The following GPC6 variants were observed in gnomAD, a reference collection of about 807,000 sequenced individuals.
GPC6 encodes the protein glypican 6, also known as glypican-6.
In GPC6, 14 loss-of-function variants were observed where a neutral mutation model predicts 55.2. The observed-to-expected ratio is 0.25, with a 90% CI of 0.17 to 0.40. The LOEUF is 0.40. GPC6 is among the 10% of genes least tolerant of loss of function. The pLI is 1.00. For synonymous variants in GPC6, 278 were observed against 259.6 expected (o/e 1.07, Z -0.68); for missense variants, 641 against 708.5 (o/e 0.90, Z 1.08).
intron 1 of GPC6, among the ~76,000 whole-genome samples, chr13:93,399,263 C>A (rs2762110): frequency 0.52 from 78,542 of 152,108 alleles, 22,415 homozygotes; most frequent in Non-Finnish European, 0.66. Context: ...ATCTTCTCTT[C>A]ATACACCTAT....
At chr13:93,439,058 A>T (rs996572713) in intron 1 of GPC6, among the ~76,000 whole-genome samples, 1 of 152,204 alleles carries the variant, frequency 6.6e-6, no homozygotes, top group African/African-American at 2.4e-5. Context: ...AAAATATTTT[A>T]AATTAAGGTA....
intron 3 of GPC6, among the ~76,000 whole-genome samples, chr13:93,849,671 C>T (rs911886343): frequency 6.6e-6 from 1 of 152,036 alleles, no homozygotes; most frequent in Non-Finnish European, 1.5e-5. Flanking sequence ...TCAGATTTTC[C>T]CTTCTTGCCT....
intron 2 of GPC6, among the ~76,000 whole-genome samples, chr13:93,649,037 T>C (rs1254570287): frequency 6.6e-6 from 1 of 152,198 alleles, no homozygotes; most frequent in African/African-American, 2.4e-5. Context: ...ATTCAACAAA[T>C]GGCATGTGGC....
chr13:94,275,964 T>C (rs1218581365), intron 4 of GPC6, among the ~76,000 whole-genome samples: 2 of 152,190 alleles, frequency 1.3e-5, no homozygotes, highest in African/African-American at 4.8e-5. Context: ...AATCAGATAT[T>C]GTCATGTATT....
intron 6 of GPC6, among the ~76,000 whole-genome samples, chr13:94,359,417 AAT>A (rs1878953412): frequency 6.6e-6 from 1 of 152,144 alleles, no homozygotes; most frequent in Admixed American, 6.5e-5. Context: ...TACAAAAAAT[AAT>A]ATCAGTGAAT....
At chr13:93,273,649 C>T (rs1263312854) in intron 1 of GPC6, among the ~76,000 whole-genome samples, 2 of 152,116 alleles carry the variant, frequency 1.3e-5, no homozygotes, top group African/African-American at 2.4e-5. Context: ...CAGAGCGAGA[C>T]TCCGTCTCAA....
chr13:93,828,840 C>A (rs1887378006), intron 2 of GPC6, among the ~76,000 whole-genome samples: 1 of 152,088 alleles, frequency 6.6e-6, no homozygotes, highest in Admixed American at 6.6e-5. Flanking sequence ...ATTATCAAGA[C>A]AATGGTTTGA....
chr13:94,066,987 T>C (rs1458309898), intron 4 of GPC6, among the ~76,000 whole-genome samples: 3 of 152,220 alleles, frequency 2.0e-5, no homozygotes, highest in Non-Finnish European at 4.4e-5. Context: ...ATCTTTGCGA[T>C]CACCAAAACA....
intron 6 of GPC6, among the ~76,000 whole-genome samples, chr13:94,350,742 A>T (rs1878499936): frequency 6.6e-6 from 1 of 152,176 alleles, no homozygotes; most frequent in Non-Finnish European, 1.5e-5. Context: ...ATGAAAAGCA[A>T]ATTCCCTTTT....
chr13:94,007,884 A>G (rs918084570), intron 3 of GPC6, among the ~76,000 whole-genome samples: 3 of 152,118 alleles, frequency 2.0e-5, no homozygotes, highest in Non-Finnish European at 4.4e-5. Flanking sequence ...TTTTTAAGGA[A>G]ACAATTCAGA....
At position 93,396,807 on chromosome 13, in the gene GPC6, GC is replaced by G. The variant is rs1471034198; in HGVS notation, c.161-148454del. Among the ~76,000 whole-genome samples, 8 of 151,944 alleles carry G rather than the reference GC, an allele frequency of 5.3e-5. No homozygotes were observed. In the East Asian group the frequency reaches 1.5e-3, roughly 29 times the overall value. On this transcript the variant is annotated intron_variant, in intron 1 of 8. Transcript: ENST00000377047. Reference sequence around the variant, plus strand: ...TATAACATAGAGCACTTACAATAGTGCCTGATCACATCATATGTACTCCCTT... The same window carrying G: ...TATAACATAGAGCACTTACAATAGTGCTGATCACATCATATGTACTCCCTT...
intron 3 of GPC6, among the ~76,000 whole-genome samples, chr13:93,856,797 A>C (rs1040789621): frequency 2.6e-5 from 4 of 151,556 alleles, no homozygotes; most frequent in Non-Finnish European, 5.9e-5. Flanking sequence ...GTGAGTCTTG[A>C]CTTTGATAAT....
chr13:93,994,452 G>T (rs1881447919), intron 3 of GPC6, among the ~76,000 whole-genome samples: 1 of 152,000 alleles, frequency 6.6e-6, no homozygotes, highest in South Asian at 2.1e-4. Flanking sequence ...GCACATTTTT[G>T]GTTTTGCCCT....
Position 93,614,364 on chromosome 13 carries a change from C to T in GPC6, c.319+68943C>T, listed in dbSNP as rs575866451. Among the ~76,000 whole-genome samples, 19 of 152,226 alleles carry T rather than the reference C, an allele frequency of 1.2e-4. No homozygotes were observed. The South Asian group carries it at 2.7e-3, about 22-fold the overall frequency. ...CAGGTAAAGTTAATATGGTCAATGT[C>T]GTTGAATGGTTAAGAACATGGGTTT... On this transcript the variant is annotated intron_variant, in intron 2 of 8. Transcript: ENST00000377047.
At chr13:93,225,061 C>T (rs1397826467), upstream of GPC6, among the ~76,000 whole-genome samples, 2 of 152,196 alleles carry the variant, frequency 1.3e-5, no homozygotes, top group African/African-American at 2.4e-5. Flanking sequence ...ACCACATATA[C>T]TATGCTTTTA....
intron 2 of GPC6, among the ~76,000 whole-genome samples, chr13:93,648,090 C>G (rs756894212): frequency 6.6e-6 from 1 of 152,154 alleles, no homozygotes; most frequent in Non-Finnish European, 1.5e-5. Context: ...CCCTTGTCAA[C>G]ACTCTTGCTG....
At chr13:93,808,850 A>C (rs1886614719) in intron 2 of GPC6, among the ~76,000 whole-genome samples, 1 of 152,128 alleles carries the variant, frequency 6.6e-6, no homozygotes, top group Non-Finnish European at 1.5e-5. Flanking sequence ...GTGTAGAGAT[A>C]ACCAGTAAAC....
intron 6 of GPC6, among the ~76,000 whole-genome samples, chr13:94,364,417 G>T (rs1879200783): frequency 6.6e-6 from 1 of 152,096 alleles, no homozygotes; most frequent in Admixed American, 6.6e-5. Flanking sequence ...TACCTCACCG[G>T]GGTAAGAACT....
chr13:93,353,976 T>C (rs1880733180), intron 1 of GPC6, among the ~76,000 whole-genome samples: 1 of 152,218 alleles, frequency 6.6e-6, no homozygotes, highest in African/African-American at 2.4e-5. Context: ...CTGAGAGAAA[T>C]GAGTGGAACT....
Sources: allele counts gnomAD v4.1 joint callset (sites outside exome capture counted in the v4.1 genomes callset), GRCh38; gene constraint gnomAD v4.1.1; transcripts MANE v1.5; gene names NCBI Gene and HGNC (gene_info 2026-07-23, HGNC 2026-07-21).